MMP26: variants seen among roughly 807,000 people sequenced by gnomAD.
MMP26 encodes the protein matrix metallopeptidase 26.
MMP26 carries 33 observed loss-of-function variants against 31.0 expected under a neutral mutation model. The observed-to-expected ratio is 1.06, with a 90% CI of 0.81 to 1.42. The LOEUF (loss-of-function observed/expected upper bound fraction) is 1.42, where lower values mean the gene tolerates loss of function less well. MMP26 is among the 40% of genes most tolerant of loss of function. The pLI is 0.00. For missense variants in MMP26, 347 were observed against 316.1 expected (o/e 1.10, Z -0.74); for synonymous variants, 122 against 114.9 (o/e 1.06, Z -0.40).
intron 2 of MMP26, among the ~76,000 whole-genome samples, chr11:4,964,843 C>T (rs1051651718): frequency 2.6e-5 from 4 of 152,102 alleles, no homozygotes; most frequent in Admixed American, 6.6e-5. Context: ...TTTGTGTTCT[C>T]ATTTATAAGT....
intron 2 of MMP26, among the ~76,000 whole-genome samples, chr11:4,940,648 A>G (rs1379435083): frequency 1.3e-5 from 2 of 152,186 alleles, no homozygotes; most frequent in Non-Finnish European, 2.9e-5. Context: ...GCTGTTTGAA[A>G]GAATAACACA....
chr11:4,714,246 T>C (rs1229056422), intron 1 of MMP26, among the ~76,000 whole-genome samples: 2 of 152,124 alleles, frequency 1.3e-5, no homozygotes, highest in Admixed American at 6.6e-5. Context: ...CTAAGGAAAA[T>C]TGTGGAAATC....
intron 2 of MMP26, among the ~76,000 whole-genome samples, chr11:4,771,273 T>C (rs1418926989): frequency 6.6e-6 from 1 of 152,226 alleles, no homozygotes; most frequent in Non-Finnish European, 1.5e-5. Flanking sequence ...TGATTAAGTG[T>C]AGAGCATGAG....
intron 2 of MMP26, chr11:4,882,171 C>T: frequency 6.2e-7 from 1 of 1,613,884 alleles, no homozygotes; most frequent in African/African-American, 1.3e-5. Flanking sequence ...TGGTTTCATG[C>T]CCGGGAGATC....
intron 2 of MMP26, among the ~76,000 whole-genome samples, chr11:4,792,274 C>T (rs149394792): frequency 6.6e-6 from 1 of 151,908 alleles, no homozygotes; most frequent in Admixed American, 6.5e-5. Context: ...ACACAAATAG[C>T]AAATAATGAT....
intron 2 of MMP26, among the ~76,000 whole-genome samples, chr11:4,868,716 A>G (rs183869838): frequency 6.6e-6 from 1 of 152,196 alleles, no homozygotes; most frequent in Non-Finnish European, 1.5e-5. Flanking sequence ...GGAAAAAACT[A>G]CTTTAAAGTT....
chr11:4,710,056 T>G, intron 1 of MMP26: 1 of 456,782 alleles, frequency 2.2e-6, no homozygotes, highest in Non-Finnish European at 4.4e-6. Flanking sequence ...CCTCTACTCC[T>G]GCTCCTTAAG....
At chr11:4,952,763 G>GA (rs1330727870) in intron 2 of MMP26, among the ~76,000 whole-genome samples, 2 of 124,796 alleles carry the variant, frequency 1.6e-5, no homozygotes, top group Admixed American at 9.0e-5. Flanking sequence ...GGGTCATTGT[G>GA]AAAAATAGCT....
In MMP26 at chr11:4,884,622, C is replaced by A. The variant is rs184482008; in HGVS notation, c.-144-103446C>A. ...CCAGAACACACACTAATCTAACCAT[C>A]CAAACTTTTCTGCATCAGTTATTTC... On this transcript the variant is annotated intron_variant, in intron 2 of 7. Transcript: ENST00000380390. Among the ~76,000 whole-genome samples the A allele has an allele frequency of 5.3e-3, 809 of 152,206 alleles. 9 individuals are homozygous for A. Among genetic ancestry groups the A allele is most frequent in the Non-Finnish European group, 5.6e-3 (380 of 68,000 alleles).
intron 1 of MMP26, among the ~76,000 whole-genome samples, chr11:4,705,464 G>A (rs1847762986): frequency 6.6e-6 from 1 of 152,068 alleles, no homozygotes; most frequent in Non-Finnish European, 1.5e-5. Flanking sequence ...ACCCAATAAT[G>A]GTGTTGTGAT....
At chr11:4,709,595 C>G (rs769110747) in intron 1 of MMP26, 1 of 453,400 alleles carries the variant, frequency 2.2e-6, no homozygotes, top group African/African-American at 2.0e-5. Flanking sequence ...AGAGTATTTT[C>G]CACCCTGCAG....
chr11:4,889,703 T>A (rs1589930330), intron 2 of MMP26: 1 of 152,534 alleles, frequency 6.6e-6, no homozygotes. Context: ...ATGAGGATCA[T>A]GGCCAGTGGG....
intron 2 of MMP26, among the ~76,000 whole-genome samples, chr11:4,834,860 T>C (rs920764392): frequency 1.3e-5 from 2 of 152,144 alleles, no homozygotes; most frequent in Admixed American, 6.5e-5. Context: ...TTCAGACAGG[T>C]TTTGTTTGGA....
chr11:4,837,783 A>G lies in MMP26; in HGVS notation c.-145+70442A>G, dbSNP rs868868566. Among the ~76,000 whole-genome samples, 189 of 152,246 alleles carry G rather than the reference A, an allele frequency of 1.2e-3. 2 individuals are homozygous for G. Among genetic ancestry groups the G allele is most frequent in the African/African-American group, 4.3e-3 (178 of 41,536 alleles). Reference sequence around the variant, plus strand: ...CAGTGTGCAGGAGACAGCAGGAACAAGGAAAGAACAATTGAGGCTCTGCTG... The same window carrying G: ...CAGTGTGCAGGAGACAGCAGGAACAGGGAAAGAACAATTGAGGCTCTGCTG... On this transcript the variant is annotated intron_variant, in intron 2 of 7. Transcript: ENST00000380390.
intron 1 of MMP26, among the ~76,000 whole-genome samples, chr11:4,717,443 T>A (rs966289360): frequency 6.6e-6 from 1 of 152,128 alleles, no homozygotes; most frequent in Non-Finnish European, 1.5e-5. Flanking sequence ...AAAAACATAG[T>A]TGTAGCGGAA....
chr11:4,891,641 C>T (rs886327535), intron 2 of MMP26, among the ~76,000 whole-genome samples: 1 of 152,138 alleles, frequency 6.6e-6, no homozygotes, highest in Non-Finnish European at 1.5e-5. Flanking sequence ...ACTATTAACC[C>T]TCTCCTATAG....
intron 2 of MMP26, chr11:4,908,852 A>T (rs1850948026): frequency 6.2e-6 from 1 of 160,586 alleles, no homozygotes; most frequent in Non-Finnish European, 1.4e-5. Context: ...TCTCTACATG[A>T]TAAATTTCAT....
chr11:4,821,149 G>A (rs140044969), intron 2 of MMP26, among the ~76,000 whole-genome samples: 1 of 152,202 alleles, frequency 6.6e-6, no homozygotes, highest in Non-Finnish European at 1.5e-5. Flanking sequence ...AATGTTTATT[G>A]CTAGTAATGA....
At chr11:4,813,918 G>A (rs1049239950) in intron 2 of MMP26, among the ~76,000 whole-genome samples, 1 of 152,070 alleles carries the variant, frequency 6.6e-6, no homozygotes, top group African/African-American at 2.4e-5. Flanking sequence ...GACAAAGAGA[G>A]CCCCGTAATC....
Sources: gnomAD v4.1 joint callset for allele counts (sites outside exome capture counted in the v4.1 genomes callset) on GRCh38, gnomAD v4.1.1 for gene constraint, MANE v1.5 for transcripts, NCBI Gene and HGNC (gene_info 2026-07-23, HGNC 2026-07-21) for gene names.